TMEM178B: variants seen among roughly 807,000 people sequenced by gnomAD.
TMEM178B encodes transmembrane protein 178B.
Under a neutral mutation model 31.0 loss-of-function variants are expected in TMEM178B, and 5 were observed. The observed-to-expected ratio is 0.16, with a 90% CI of 0.08 to 0.34. TMEM178B has a LOEUF of 0.34. Ranked by LOEUF, TMEM178B falls within the 10% of genes least tolerant of loss-of-function variation. The probability of loss-of-function intolerance (pLI) is 1.00; values close to 1 mark genes in which losing one functional copy is unlikely to be tolerated. For synonymous variants in TMEM178B, 164 were observed against 164.0 expected (o/e 1.00, Z 0.00); for missense variants, 275 against 400.3 (o/e 0.69, Z 2.67).
intron 3 of TMEM178B, among the ~76,000 whole-genome samples, chr7:141,469,844 G>A (rs1172640880): frequency 6.6e-6 from 1 of 150,992 alleles, no homozygotes; most frequent in Non-Finnish European, 1.5e-5. Flanking sequence ...GTGAAATTCT[G>A]CATAAAGTAG....
Position 141,344,455 on chromosome 7 carries a change from A to G in TMEM178B, c.497-93153A>G, listed in dbSNP as rs908330251. Among the ~76,000 whole-genome samples, 2 of 152,234 alleles carry G rather than the reference A, an allele frequency of 1.3e-5. No individual in the cohort carries two copies. The highest frequency in any genetic ancestry group is 6.5e-5 in the Admixed American group (1 of 15,284). ...GAGTTCTGCTTTATAATGAAAAGTT[A>G]TAAGTTTCTCACACATTTTAGGCAC... is the stretch of plus-strand genomic sequence containing the variant. On this transcript the variant is annotated intron_variant, in intron 2 of 3. Transcript: ENST00000565468. The surrounding 1 kb of genome is among the most constrained non-coding windows in gnomAD (Gnocchi z 4.1).
the TMEM178B span, among the ~76,000 whole-genome samples, chr7:141,509,328 A>C: frequency 6.6e-6 from 1 of 152,054 alleles, no homozygotes; most frequent in Non-Finnish European, 1.5e-5. Context: ...TCAGAAGAAC[A>C]AGTGAACAAA....
chr7:141,443,544 G>T (rs568909259), intron 3 of TMEM178B, among the ~76,000 whole-genome samples: 1 of 152,282 alleles, frequency 6.6e-6, no homozygotes, highest in African/African-American at 2.4e-5. Flanking sequence ...TGGGTTAGGG[G>T]TTTTGGGGAG....
At chr7:141,428,725 G>A (rs1801367837) in intron 2 of TMEM178B, among the ~76,000 whole-genome samples, 2 of 152,114 alleles carry the variant, frequency 1.3e-5, no homozygotes, top group Admixed American at 6.5e-5. Context: ...CCATCTTAAG[G>A]GCCAAGCAGG....
intron 1 of TMEM178B, among the ~76,000 whole-genome samples, chr7:141,121,352 C>T (rs1163390437): frequency 1.3e-5 from 2 of 152,036 alleles, no homozygotes; most frequent in African/African-American, 4.8e-5. Flanking sequence ...TATTGTTTTC[C>T]AAACACCCAC....
chr7:141,392,694 A>AT (rs1402828327), intron 2 of TMEM178B, among the ~76,000 whole-genome samples: 6 of 152,094 alleles, frequency 3.9e-5, no homozygotes, highest in Non-Finnish European at 8.8e-5. Flanking sequence ...AGGATCGCAC[A>AT]TGGCAGGCCT....
the TMEM178B span, among the ~76,000 whole-genome samples, chr7:141,502,990 C>T: frequency 2.0e-5 from 3 of 152,104 alleles, no homozygotes; most frequent in Admixed American, 6.5e-5. Flanking sequence ...TAAGTGGGTC[C>T]GGGGTATTGT....
At chr7:141,200,095 G>A (rs1027854617) in intron 1 of TMEM178B, among the ~76,000 whole-genome samples, 4 of 151,810 alleles carry the variant, frequency 2.6e-5, no homozygotes, top group South Asian at 2.1e-4. Context: ...TGCCCAGGCT[G>A]GTCTTGAACC....
chr7:141,339,354 A>T (rs1485260400), intron 2 of TMEM178B, among the ~76,000 whole-genome samples: 1 of 152,186 alleles, frequency 6.6e-6, no homozygotes, highest in Admixed American at 6.5e-5. Flanking sequence ...GTGCTGCAGC[A>T]GATGGGCTCA....
intron 1 of TMEM178B, among the ~76,000 whole-genome samples, chr7:141,191,219 G>C (rs912385507): frequency 6.6e-6 from 1 of 152,180 alleles, no homozygotes; most frequent in African/African-American, 2.4e-5. Flanking sequence ...TTAAGTGGCT[G>C]TATTGCCTTC....
intron 1 of TMEM178B, among the ~76,000 whole-genome samples, chr7:141,164,086 G>C (rs977134881): frequency 6.6e-6 from 1 of 151,926 alleles, no homozygotes. Context: ...ATTTTTTTCT[G>C]AATATAATAC....
In TMEM178B at chr7:141,171,238, C is replaced by T. The variant is rs967509156; in HGVS notation, c.383-41353C>T. ...GAGGCTGAGGACAGAGGATCCCTTG[C>T]GTTCAGGAGTTGGAGACCAGCCAAG... On this transcript the variant is annotated intron_variant, in intron 1 of 3. Coordinates refer to ENST00000565468, the MANE Select transcript of TMEM178B (RefSeq NM_001195278.2). This position sits in a 1 kb window ranked among gnomAD's most constrained non-coding sequence, Gnocchi z 4.3. Among the ~76,000 whole-genome samples, 6 of 151,962 alleles carry T rather than the reference C, an allele frequency of 3.9e-5. No homozygotes were observed. Among genetic ancestry groups the T allele is most frequent in the South Asian group, 4.1e-4 (2 of 4,824 alleles).
At chr7:141,305,490 C>G (rs188333694) in intron 2 of TMEM178B, among the ~76,000 whole-genome samples, 1 of 151,626 alleles carries the variant, frequency 6.6e-6, no homozygotes, top group Non-Finnish European at 1.5e-5. Flanking sequence ...TGCAGTGGTG[C>G]GATCTCGGCT....
chr7:141,156,631 G>A lies in TMEM178B; in HGVS notation c.383-55960G>A, dbSNP rs376991861. Reference sequence around the variant, plus strand: ...GAAATCAACAGGAACTTGTTTAGACGGATCAACTCTAAATTATGGAGGGAT... The same window carrying A: ...GAAATCAACAGGAACTTGTTTAGACAGATCAACTCTAAATTATGGAGGGAT... On this transcript the variant is annotated intron_variant, in intron 1 of 3. Coordinates refer to ENST00000565468, the MANE Select transcript of TMEM178B (RefSeq NM_001195278.2). 6.2e-4 allele frequency among the ~76,000 whole-genome samples: 94 copies of A among 152,294 alleles called. 4 individuals carry two copies. Among genetic ancestry groups the A allele is most frequent in the African/African-American group, 2.0e-3 (84 of 41,564 alleles).
chr7:141,471,771 TGTGTGTGTGC>T lies in TMEM178B; in HGVS notation c.*995_*1004del, dbSNP rs1473168427. The T allele has an allele frequency of 2.8e-5, 3 of 108,266 alleles. No individual in the cohort carries two copies. The highest frequency in any genetic ancestry group is 1.1e-4 in the Admixed American group (1 of 9,318). The allele number at this position is 108,266 out of a possible 1,614,324, so 6.7% of individuals were successfully genotyped here. ...CTGCAGCTACAGATCCCTGGAGTGG[TGTGTGTGTGC>T]GTGTGTGTGTGTGTGTGTGTGTGTG... is the stretch of plus-strand genomic sequence containing the variant. On this transcript the variant is annotated 3_prime_UTR_variant, in exon 4 of 4. Transcript: ENST00000565468. The surrounding 1 kb of genome is among the most constrained non-coding windows in gnomAD (Gnocchi z 4.1).
Position 141,162,084 on chromosome 7 carries a change from C to T in TMEM178B, c.383-50507C>T, listed in dbSNP as rs149214743. Among the ~76,000 whole-genome samples, 582 of 152,306 alleles carry T rather than the reference C, an allele frequency of 3.8e-3. 5 individuals are homozygous for T. Among genetic ancestry groups the T allele is most frequent in the African/African-American group, 0.013 (553 of 41,558 alleles). On this transcript the variant is annotated intron_variant, in intron 1 of 3. Coordinates refer to ENST00000565468, the MANE Select transcript of TMEM178B (RefSeq NM_001195278.2). ...TGCCCCACAGTCAGGTGCCAATAAC[C>T]GCCTTTCTCCACCTGCAGGGCTTGG... is the stretch of plus-strand genomic sequence containing the variant.
chr7:141,201,947 T>C (rs1480028078), intron 1 of TMEM178B, among the ~76,000 whole-genome samples: 3 of 152,196 alleles, frequency 2.0e-5, no homozygotes, highest in Non-Finnish European at 2.9e-5. Flanking sequence ...TTTCCCAAGT[T>C]CTTTTGACAT....
In TMEM178B at chr7:141,474,625, T is replaced by C. The variant is rs1161206956; in HGVS notation, c.*3839T>C. On this transcript the variant is annotated 3_prime_UTR_variant, in exon 4 of 4. Coordinates refer to ENST00000565468, the MANE Select transcript of TMEM178B (RefSeq NM_001195278.2). ...CTGAGCCCAGGTGCATATCTTCCCATCAGGGATGAGTGGTCCCACCTAGCA... is the reference window on the plus strand; with the variant it reads ...CTGAGCCCAGGTGCATATCTTCCCACCAGGGATGAGTGGTCCCACCTAGCA... 6.6e-6 allele frequency: 1 copy of C among 152,170 alleles called. No homozygotes were observed. Among genetic ancestry groups the C allele is most frequent in the Non-Finnish European group, 1.5e-5 (1 of 68,050 alleles). 9.4% of individuals were successfully genotyped at this position (152,170 alleles called of 1,614,324 possible).
chr7:141,376,981 G>A (rs1800226184), intron 2 of TMEM178B, among the ~76,000 whole-genome samples: 1 of 151,898 alleles, frequency 6.6e-6, no homozygotes, highest in African/African-American at 2.4e-5. Context: ...TGCAACCTAA[G>A]GTCTCATATT....
Sources: gnomAD v4.1 joint callset for allele counts (sites outside exome capture counted in the v4.1 genomes callset) on GRCh38, gnomAD v4.1.1 for gene constraint, Gnocchi (gnomAD v3.1) non-coding constraint, MANE v1.5 for transcripts, NCBI Gene and HGNC (gene_info 2026-07-23, HGNC 2026-07-21) for gene names.